Variants in CIMIP2A observed in about 807,000 individuals in gnomAD.
CIMIP2A encodes ciliary microtubule inner protein 2A.
At chr9:137,251,261 T>G in the CIMIP2A span, 10 of 1,463,526 alleles carry the variant, frequency 6.8e-6, no homozygotes, top group South Asian at 1.1e-5. Context: ...CGTGGTGCCG[T>G]TGGGGAAGAG....
chr9:137,243,875 G>A, the CIMIP2A span: 1 of 1,406,462 alleles, frequency 7.1e-7, no homozygotes. Flanking sequence ...GAAGTGTGGG[G>A]CTGCCCTGGG....
the CIMIP2A span, chr9:137,243,637 G>A: frequency 1.9e-6 from 3 of 1,613,940 alleles, no homozygotes; most frequent in South Asian, 1.1e-5. Context: ...CTGTCCCACT[G>A]TGTGCACTTG....
At chr9:137,251,038 A>G in the CIMIP2A span, 1 of 507,584 alleles carries the variant, frequency 2.0e-6, no homozygotes, top group Non-Finnish European at 3.6e-6. Flanking sequence ...AGAGGGGAGA[A>G]GGCTGGAAAG....
chr9:137,245,346 C>T, the CIMIP2A span: 1 of 1,605,090 alleles, frequency 6.2e-7, no homozygotes, highest in Non-Finnish European at 8.5e-7. Context: ...GAGTGGCGCT[C>T]TTCCAGGCCT....
chr9:137,243,647 GC>G, the CIMIP2A span: 1 of 1,613,992 alleles, frequency 6.2e-7, no homozygotes, highest in Non-Finnish European at 8.5e-7. Context: ...GTGTGCACTT[GC>G]TGTTTTCCCT....
At chr9:137,252,840 C>G in the CIMIP2A span, 1 of 1,573,550 alleles carries the variant, frequency 6.4e-7, no homozygotes, top group Non-Finnish European at 8.6e-7. Flanking sequence ...TCTTTGCAGG[C>G]ACCTGGCAAG....
the CIMIP2A span, among the ~76,000 whole-genome samples, chr9:137,243,970 T>C: frequency 6.6e-6 from 1 of 152,024 alleles, no homozygotes; most frequent in African/African-American, 2.4e-5. Context: ...GCTCGGCCTG[T>C]GTCTGGGACT....
the CIMIP2A span, chr9:137,244,134 C>T: frequency 3.6e-5 from 57 of 1,593,516 alleles, no homozygotes; most frequent in East Asian, 8.9e-5. Context: ...CCACATTGGC[C>T]GGGGTGTGTC....
At chr9:137,254,466 G>A in the CIMIP2A span, among the ~76,000 whole-genome samples, 1 of 152,244 alleles carries the variant, frequency 6.6e-6, no homozygotes, top group African/African-American at 2.4e-5. Context: ...GAGTGGGAGC[G>A]GCAGGAAAGA....
chr9:137,245,970 T>A, the CIMIP2A span: 1 of 802,000 alleles, frequency 1.2e-6, no homozygotes, highest in South Asian at 2.9e-5. Context: ...CAGGTTGGCC[T>A]GTGGCAGCTC....
chr9:137,249,976 C>G, the CIMIP2A span, among the ~76,000 whole-genome samples: 21 of 151,124 alleles, frequency 1.4e-4, no homozygotes, highest in Non-Finnish European at 2.1e-4. Flanking sequence ...TCTGGAGGCC[C>G]TGCCCCTATC....
At chr9:137,248,316 G>A in the CIMIP2A span, among the ~76,000 whole-genome samples, 1 of 152,170 alleles carries the variant, frequency 6.6e-6, no homozygotes, top group Non-Finnish European at 1.5e-5. Context: ...GGGAGGCCGA[G>A]GCAGGCAGAT....
the CIMIP2A span, chr9:137,244,269 T>C: frequency 9.3e-6 from 15 of 1,613,708 alleles, no homozygotes; most frequent in South Asian, 1.4e-4. Context: ...CAGGTCACAG[T>C]GGGGGTTTCT....
the CIMIP2A span, chr9:137,251,998 C>T: frequency 8.7e-5 from 140 of 1,610,032 alleles, no homozygotes; most frequent in African/African-American, 1.8e-3. Flanking sequence ...TTCCTGTGGC[C>T]AGTGCTGGAG....
the CIMIP2A span, chr9:137,244,314 A>G: frequency 1.9e-6 from 3 of 1,612,636 alleles, no homozygotes; most frequent in Non-Finnish European, 2.5e-6. Context: ...GGTGCTAACA[A>G]GCTCCCTCCC....
the CIMIP2A span, chr9:137,244,841 T>C: frequency 6.4e-7 from 1 of 1,568,410 alleles, no homozygotes; most frequent in Non-Finnish European, 8.6e-7. Flanking sequence ...AGGCTCCCTT[T>C]CGTTCCCTGA....
At chr9:137,245,584 G>A in the CIMIP2A span, 1 of 1,613,658 alleles carries the variant, frequency 6.2e-7, no homozygotes, top group Non-Finnish European at 8.5e-7. Context: ...GCCTGTGAGT[G>A]CCGGGACAGG....
the CIMIP2A span, among the ~76,000 whole-genome samples, chr9:137,246,269 T>C: frequency 1.1e-4 from 17 of 152,298 alleles, no homozygotes; most frequent in Middle Eastern, 3.4e-3. Flanking sequence ...AGGAGGGTGT[T>C]GCGTGGGCTT....
the CIMIP2A span, chr9:137,244,481 G>T: frequency 8.7e-6 from 13 of 1,495,696 alleles, no homozygotes; most frequent in East Asian, 3.2e-4. Flanking sequence ...AGGAGAGAGG[G>T]GTTGGGGCGG....
Sources: allele counts gnomAD v4.1 joint callset (sites outside exome capture counted in the v4.1 genomes callset), GRCh38; gene constraint gnomAD v4.1.1; transcripts MANE v1.5; gene names NCBI Gene and HGNC (gene_info 2026-07-23, HGNC 2026-07-21).